Variants in GLE1 observed in about 807,000 individuals in gnomAD.
GLE1 encodes the protein GLE1 RNA export mediator, also known as mRNA export factor GLE1.
Under a neutral mutation model 97.3 loss-of-function variants are expected in GLE1, and 78 were observed. The observed-to-expected ratio is 0.80, with a 90% CI of 0.67 to 0.97. The LOEUF (loss-of-function observed/expected upper bound fraction) is 0.97, where lower values mean the gene tolerates loss of function less well. Ranked by LOEUF, GLE1 falls within the 50% of genes least tolerant of loss-of-function variation. The probability of loss-of-function intolerance (pLI) is 0.00; values close to 1 mark genes in which losing one functional copy is unlikely to be tolerated. For missense variants in GLE1, 753 were observed against 857.5 expected, an observed-to-expected ratio of 0.88 and a Z score of 1.52; for synonymous variants, 302 against 313.4, an observed-to-expected ratio of 0.96 and a Z score of 0.39.
chr9:128,507,026 T>C (rs2132398052), intron 1 of GLE1, among the ~76,000 whole-genome samples: 1 of 152,342 alleles, frequency 6.6e-6, no homozygotes, highest in Non-Finnish European at 1.5e-5. Context: ...CATACAAAGA[T>C]GTTCCACGCT....
At chr9:128,530,675 C>A (rs1396050599) in intron 9 of GLE1, among the ~76,000 whole-genome samples, 1 of 140,924 alleles carries the variant, frequency 7.1e-6, no homozygotes, top group Non-Finnish European at 1.5e-5. Context: ...TTTGGGAGGC[C>A]GAGCCTGGCG....
At chr9:128,515,347 T>G (rs1166628008) in intron 2 of GLE1, among the ~76,000 whole-genome samples, 182 bp from the exon 3 acceptor site, 1 of 151,932 alleles carries the variant, frequency 6.6e-6, no homozygotes, top group East Asian at 1.9e-4. Context: ...AAGAAAACAA[T>G]TAGAACAAAG....
At position 128,541,809 on chromosome 9, in the gene GLE1, ACT is replaced by A. The variant is rs1847889338; in HGVS notation, c.*642_*643del. 1 of 151,966 alleles carries A rather than the reference ACT, an allele frequency of 6.6e-6. No individual in the cohort carries two copies. Among genetic ancestry groups the A allele is most frequent in the African/African-American group, 2.4e-5 (1 of 41,332 alleles). 9.4% of individuals were successfully genotyped at this position (151,966 alleles called of 1,614,324 possible). A position where few individuals can be genotyped will look rare whatever the true frequency, so the allele number is the denominator to read the frequency against. On this transcript the variant is annotated 3_prime_UTR_variant, in exon 16 of 16. Transcript: ENST00000309971. ...CACATGTCATTTTGAACTAAGGGAA[ACT>A]CTTTGTCATCCTAATTTGGAATTTG...
At chr9:128,511,266 AT>A (rs1846812544) in intron 2 of GLE1, among the ~76,000 whole-genome samples, 1 of 148,232 alleles carries the variant, frequency 6.7e-6, no homozygotes, top group Admixed American at 6.8e-5. Context: ...TATATATATT[AT>A]AAATATACAT....
chr9:128,517,078 T>G (rs1206931140), intron 3 of GLE1, among the ~76,000 whole-genome samples: 1 of 151,836 alleles, frequency 6.6e-6, no homozygotes, highest in Admixed American at 6.5e-5. Flanking sequence ...TCACCTGAGA[T>G]AAGGAGTTCC....
At chr9:128,535,015 C>T (rs1448288500) in intron 11 of GLE1, among the ~76,000 whole-genome samples, 1 of 151,806 alleles carries the variant, frequency 6.6e-6, no homozygotes, top group African/African-American at 2.4e-5. Flanking sequence ...CCACGCCCGG[C>T]CTGTAATAAT....
At chr9:128,518,862 CAAAAA>C (rs909204943) in intron 3 of GLE1, among the ~76,000 whole-genome samples, 1 of 69,746 alleles carries the variant, frequency 1.4e-5, no homozygotes, top group Non-Finnish European at 3.0e-5. Context: ...AGCGAGACTC[CAAAAA>C]AAAAAAAAAA....
intron 1 of GLE1, among the ~76,000 whole-genome samples, chr9:128,507,573 G>A (rs1846676163): frequency 6.9e-6 from 1 of 145,866 alleles, no homozygotes; most frequent in African/African-American, 2.5e-5. Flanking sequence ...AACAGAATGA[G>A]AGCCTGTCTC....
intron 13 of GLE1, among the ~76,000 whole-genome samples, chr9:128,538,585 T>C (rs934387761): frequency 3.9e-5 from 6 of 152,090 alleles, no homozygotes; most frequent in African/African-American, 1.4e-4. Flanking sequence ...TTACCTGAAG[T>C]CATGAGTTCA....
At chr9:128,516,146 C>CG (rs1846979715) in intron 3 of GLE1, among the ~76,000 whole-genome samples, 1 of 151,784 alleles carries the variant, frequency 6.6e-6, no homozygotes, top group Non-Finnish European at 1.5e-5. Context: ...TTACTAGAGA[C>CG]GGGGTTTCAC....
chr9:128,536,572 A>C, intron 12 of GLE1, 88 bp downstream of exon 12: 1 of 1,182,108 alleles, frequency 8.5e-7, no homozygotes, highest in Admixed American at 1.7e-5. Context: ...GCCTTCTTTC[A>C]GAGAGCCAGT....
chr9:128,524,279 C>T (rs140433868), intron 6 of GLE1, among the ~76,000 whole-genome samples: 25 of 151,960 alleles, frequency 1.6e-4, no homozygotes, highest in Middle Eastern at 3.4e-3. Flanking sequence ...AGGGTTTTGC[C>T]ATGTTGCTCA....
intron 2 of GLE1, among the ~76,000 whole-genome samples, chr9:128,510,246 T>TG (rs1404413264): frequency 6.6e-6 from 1 of 151,830 alleles, no homozygotes; most frequent in Non-Finnish European, 1.5e-5. Flanking sequence ...TTTTTTTTTT[T>TG]GAGACGGAGT....
intron 9 of GLE1, among the ~76,000 whole-genome samples, chr9:128,527,929 A>C (rs1288777129): frequency 6.8e-6 from 1 of 147,732 alleles, no homozygotes; most frequent in Non-Finnish European, 1.5e-5. Context: ...ACACCACTTC[A>C]CTCCAGCCTG....
chr9:128,531,803 G>A (rs1336556577), intron 9 of GLE1, among the ~76,000 whole-genome samples: 3 of 140,334 alleles, frequency 2.1e-5, no homozygotes, highest in Admixed American at 7.5e-5. Flanking sequence ...CTGCACTCTA[G>A]CCTGGGTGAC....
chr9:128,539,038 CAA>C (rs1847810837), intron 13 of GLE1, among the ~76,000 whole-genome samples: 1 of 152,032 alleles, frequency 6.6e-6, no homozygotes, highest in African/African-American at 2.4e-5. Flanking sequence ...CTCTGGAGTT[CAA>C]GACCAGCCAG....
At chr9:128,525,472 G>A (rs1279623724) in intron 7 of GLE1, 49 bp downstream of exon 7, 1 of 1,134,232 alleles carries the variant, frequency 8.8e-7, no homozygotes, top group Admixed American at 2.0e-5. Context: ...TTTCAAATGT[G>A]AAGAGAAACA....
chr9:128,520,079 G>A (rs908644982), intron 3 of GLE1, among the ~76,000 whole-genome samples: 5 of 151,962 alleles, frequency 3.3e-5, no homozygotes, highest in Admixed American at 6.6e-5. Context: ...GTGAAACCCC[G>A]TCTCTACTAA....
rs530867627 is a variant in GLE1, at chr9:128,515,601, G to T, written c.394G>T (p.Val132Phe). The T allele has an allele frequency of 6.2e-7, 1 of 1,604,818 alleles. No individual in the cohort carries two copies. Among genetic ancestry groups the T allele is most frequent in the Non-Finnish European group, 8.5e-7 (1 of 1,171,602 alleles). The stretch of plus-strand genomic sequence containing the variant: ...ACGGGGGATCAAAGTGGAAGGCTGC[G>T]TCCGAATGTACGAACTGGTACACAG... ...SSRGIKVEGCVRMYELVHRMK... is the reference protein window; with the variant it reads ...SSRGIKVEGCFRMYELVHRMK... The change falls in exon 3 of 16, where the codon GTC becomes TTC. Residue 132 changes from valine to phenylalanine, a missense_variant. Physicochemically the swap from Val to Phe is conservative, Grantham distance 50. Transcript: ENST00000309971.
Sources: gnomAD v4.1 joint callset for allele counts (sites outside exome capture counted in the v4.1 genomes callset) on GRCh38, gnomAD v4.1.1 for gene constraint, MANE v1.5 for transcripts, NCBI Gene and HGNC (gene_info 2026-07-23, HGNC 2026-07-21) for gene names.